Variants in SINHCAF observed in about 807,000 individuals in gnomAD.
SINHCAF encodes the protein SIN3-HDAC complex-associated factor.
A neutral mutation model predicts 25.8 loss-of-function variants in SINHCAF; 3 were observed. The ratio of observed to expected loss-of-function variants is 0.12; its 90% confidence interval spans 0.05 to 0.30. The LOEUF is 0.30. Among genes scored for constraint, SINHCAF ranks in the 10% least tolerant of loss-of-function variants. The probability of loss-of-function intolerance (pLI) is 1.00; values close to 1 mark genes in which losing one functional copy is unlikely to be tolerated. For missense variants in SINHCAF, 121 were observed against 262.3 expected (o/e 0.46, Z 3.72); for synonymous variants, 70 against 85.5 (o/e 0.82, Z 1.00).
In SINHCAF at chr12:31,282,837, G is replaced by A. The variant is rs1213503300; in HGVS notation, c.541C>T (p.Arg181Cys). Reference sequence around the variant, plus strand: ...GTGTCAATGAGGACTTCCCCAAAACGGCCTTTATAGATGATCCCACAACAT... The same window carrying A: ...GTGTCAATGAGGACTTCCCCAAAACAGCCTTTATAGATGATCCCACAACAT... ...KICCGIIYKG[R>C]FGEVLIDTHL... The change falls in exon 6 of 6, where the codon CGT becomes TGT. Residue 181 changes from arginine (R) to cysteine (C), a missense_variant. Coordinates refer to ENST00000337682, the MANE Select transcript of SINHCAF (RefSeq NM_001135812.2). 5 of 1,610,366 alleles carry A rather than the reference G, an allele frequency of 3.1e-6. No individual in the cohort carries two copies. Among genetic ancestry groups the A allele is most frequent in the South Asian group, 2.2e-5 (2 of 90,240 alleles).
chr12:31,314,956 C>T (rs540345064), intron 1 of SINHCAF, among the ~76,000 whole-genome samples: 2 of 152,244 alleles, frequency 1.3e-5, no homozygotes, highest in South Asian at 4.1e-4. Flanking sequence ...GGGATTTAGT[C>T]GATTTAGAGG....
chr12:31,316,259 A>G (rs1180386226), intron 1 of SINHCAF, among the ~76,000 whole-genome samples: 3 of 152,202 alleles, frequency 2.0e-5, no homozygotes, highest in Non-Finnish European at 4.4e-5. Context: ...GATTAAAGGT[A>G]ATAGCTAAGT....
rs780828771 is a variant in SINHCAF at position 31,293,945 on chromosome 12, C to T, written c.229-14G>A. The stretch of plus-strand genomic sequence containing the variant: ...TGCATCTACCACCTGGAAGAAAATA[C>T]TGAATATTTAATAATATTTTTAAAA... On this transcript the variant is annotated splice_polypyrimidine_tract_variant and intron_variant, in intron 3 of 5. Transcript: ENST00000337682. 1 of 1,578,990 alleles carries T rather than the reference C, an allele frequency of 6.3e-7. No homozygotes were observed. The highest frequency in any genetic ancestry group is 1.4e-5 in the African/African-American group (1 of 72,536).
At chr12:31,301,100 C>A (rs755423931) in intron 1 of SINHCAF, among the ~76,000 whole-genome samples, 1 of 152,168 alleles carries the variant, frequency 6.6e-6, no homozygotes, top group Non-Finnish European at 1.5e-5. Flanking sequence ...TTGACCAAGA[C>A]GCCATAGTTT....
In SINHCAF at chr12:31,298,220, A is replaced by G; in HGVS notation, c.-16T>C. On this transcript the variant is annotated 5_prime_UTR_variant, in exon 2 of 6. Transcript: ENST00000337682. ...AACCAAACATCTTTTCTTCTGGGCAATAGTCTGTAAAGCCAAGGGAATTGA... is the reference window on the plus strand; with the variant it reads ...AACCAAACATCTTTTCTTCTGGGCAGTAGTCTGTAAAGCCAAGGGAATTGA... 6.2e-7 allele frequency: 1 copy of G among 1,613,826 alleles called. No homozygotes were observed. The highest frequency in any genetic ancestry group is 8.5e-7 in the Non-Finnish European group (1 of 1,179,954).
At chr12:31,298,000 C>A in intron 2 of SINHCAF, 77 bp downstream of exon 2, 2 of 1,381,824 alleles carry the variant, frequency 1.4e-6, no homozygotes, top group Non-Finnish European at 2.0e-6. Flanking sequence ...TTGTTCCAAT[C>A]ACCTTGCTTA....
At chr12:31,302,544 C>T (rs1481976173) in intron 1 of SINHCAF, among the ~76,000 whole-genome samples, 2 of 149,586 alleles carry the variant, frequency 1.3e-5, no homozygotes, top group African/African-American at 2.5e-5. Context: ...TTTATCAGGC[C>T]GAGCTTGAGG....
chr12:31,305,597 G>T (rs1272952148), intron 1 of SINHCAF, among the ~76,000 whole-genome samples: 2 of 152,044 alleles, frequency 1.3e-5, no homozygotes, highest in Non-Finnish European at 2.9e-5. Flanking sequence ...CTACCAATCC[G>T]GGGACTTAGC....
intron 4 of SINHCAF, among the ~76,000 whole-genome samples, chr12:31,291,266 A>G (rs1938300881): frequency 6.6e-6 from 1 of 152,220 alleles, no homozygotes; most frequent in African/African-American, 2.4e-5. Flanking sequence ...CACAAAAAGA[A>G]TAGCTAACAT....
chr12:31,309,221 GTAT>G (rs1296960137), intron 1 of SINHCAF, among the ~76,000 whole-genome samples: 4 of 151,734 alleles, frequency 2.6e-5, no homozygotes, highest in Admixed American at 2.6e-4. Context: ...GGATATCTAG[GTAT>G]TATAATACTG....
intron 1 of SINHCAF, chr12:31,323,969 G>C (rs1207040553): frequency 2.0e-5 from 9 of 455,814 alleles, no homozygotes; most frequent in South Asian, 1.4e-4. Context: ...CTTCCCCCTC[G>C]GGCACTCCGG....
At chr12:31,297,261 T>A (rs1938586807) in intron 2 of SINHCAF, among the ~76,000 whole-genome samples, 1 of 152,068 alleles carries the variant, frequency 6.6e-6, no homozygotes. Flanking sequence ...GCTCAGGTGA[T>A]CCTCTCACTT....
chr12:31,295,602 G>A (rs1381125397), intron 2 of SINHCAF, among the ~76,000 whole-genome samples: 3 of 152,176 alleles, frequency 2.0e-5, no homozygotes, highest in African/African-American at 7.2e-5. Context: ...GGGTGCGGTG[G>A]CTCACGCCTG....
intron 1 of SINHCAF, chr12:31,311,956 TG>T (rs1415291494): frequency 4.3e-5 from 28 of 649,020 alleles, no homozygotes; most frequent in Admixed American, 1.1e-4. Context: ...TGGTCCTGGG[TG>T]CCCCTGATAC....
At chr12:31,311,151 T>A (rs1013868959) in intron 1 of SINHCAF, among the ~76,000 whole-genome samples, 8 of 152,112 alleles carry the variant, frequency 5.3e-5, no homozygotes, top group African/African-American at 1.9e-4. Context: ...TAATCTATGA[T>A]CTTTTGAAAA....
intron 1 of SINHCAF, chr12:31,311,810 TG>T: frequency 2.0e-6 from 1 of 488,634 alleles, no homozygotes. Flanking sequence ...AGTGGGGTGG[TG>T]GGTCAGACCA....
chr12:31,323,853 C>T (rs1200723256), intron 1 of SINHCAF: 1 of 435,142 alleles, frequency 2.3e-6, no homozygotes, highest in Admixed American at 2.4e-5. Flanking sequence ...GGCCACAGCT[C>T]GGCTGGGGAG....
At chr12:31,314,243 T>G (rs1344377522) in intron 1 of SINHCAF, among the ~76,000 whole-genome samples, 2 of 150,030 alleles carry the variant, frequency 1.3e-5, no homozygotes, top group Non-Finnish European at 3.0e-5. Context: ...GAAGATAGAG[T>G]GGCAGGGCAC....
chr12:31,295,780 G>T (rs557942086), intron 2 of SINHCAF, among the ~76,000 whole-genome samples: 1 of 151,984 alleles, frequency 6.6e-6, no homozygotes, highest in Non-Finnish European at 1.5e-5. Flanking sequence ...GCTTAAGCAG[G>T]AGAATCGCTT....
Sources: allele counts gnomAD v4.1 joint callset (sites outside exome capture counted in the v4.1 genomes callset), GRCh38; gene constraint gnomAD v4.1.1; transcripts MANE v1.5; gene names NCBI Gene and HGNC (gene_info 2026-07-23, HGNC 2026-07-21).